L3MBTL4: variants seen among roughly 807,000 people sequenced by gnomAD.
L3MBTL4 encodes the protein lethal(3)malignant brain tumor-like protein 4.
In L3MBTL4, 70 loss-of-function variants were observed where a neutral mutation model predicts 84.5. The observed-to-expected ratio is 0.83, with a 90% CI of 0.68 to 1.01. The LOEUF is 1.01. Among genes scored for constraint, L3MBTL4 ranks in the 50% least tolerant of loss-of-function variants. The probability of loss-of-function intolerance (pLI) is 0.00; values close to 1 mark genes in which losing one functional copy is unlikely to be tolerated. For synonymous variants in L3MBTL4, 274 were observed against 259.8 expected (o/e 1.05, Z -0.52); for missense variants, 715 against 754.8 (o/e 0.95, Z 0.62).
chr18:6,276,039 C>T (rs1009040794), intron 4 of L3MBTL4, among the ~76,000 whole-genome samples: 43 of 152,330 alleles, frequency 2.8e-4, no homozygotes, highest in African/African-American at 1.0e-3. Flanking sequence ...AAAGTCATCC[C>T]TCTGCTCACT....
intron 1 of L3MBTL4, among the ~76,000 whole-genome samples, chr18:6,370,629 T>G (rs1343534679): frequency 6.6e-6 from 1 of 152,000 alleles, no homozygotes; most frequent in African/African-American, 2.4e-5. Flanking sequence ...CCAAAAGAGA[T>G]GAAGTCACCT....
At chr18:6,047,923 A>G (rs369249710) in intron 16 of L3MBTL4, among the ~76,000 whole-genome samples, 17 of 152,322 alleles carry the variant, frequency 1.1e-4, no homozygotes, top group South Asian at 8.3e-4. Context: ...GGCAAGAGAA[A>G]GAAATAAAAG....
chr18:6,405,754 CT>C (rs1450352273), intron 1 of L3MBTL4, among the ~76,000 whole-genome samples: 3 of 152,212 alleles, frequency 2.0e-5, no homozygotes, highest in Admixed American at 2.0e-4. Context: ...TGAGTGCCTC[CT>C]GCCAGCACCC....
intron 16 of L3MBTL4, among the ~76,000 whole-genome samples, chr18:5,987,755 C>T (rs1051668951): frequency 1.3e-5 from 2 of 151,744 alleles, no homozygotes; most frequent in Non-Finnish European, 2.9e-5. Flanking sequence ...AAAATTAAAC[C>T]AGTGTATGAT....
chr18:6,318,777 T>A, intron 1 of L3MBTL4, among the ~76,000 whole-genome samples: 1 of 151,824 alleles, frequency 6.6e-6, no homozygotes, highest in Non-Finnish European at 1.5e-5. Flanking sequence ...ATAGAACAAA[T>A]GAAGCTAACA....
rs1385674333 is a variant in L3MBTL4, at chr18:6,188,227, T to G, written c.982-16285A>C. On this transcript the variant is annotated intron_variant, in intron 12 of 18. Transcript: ENST00000317931. Reference sequence around the variant, plus strand: ...CCACACAGATCATGTAGGATGGTACTGACAATTAATTAGTTATATTTCCAA... The same window carrying G: ...CCACACAGATCATGTAGGATGGTACGGACAATTAATTAGTTATATTTCCAA... Among the ~76,000 whole-genome samples, 6 of 152,048 alleles carry G rather than the reference T, an allele frequency of 3.9e-5. No homozygotes were observed. In the East Asian group the frequency reaches 1.2e-3, roughly 29 times the overall value.
intron 1 of L3MBTL4, among the ~76,000 whole-genome samples, chr18:6,390,563 T>C (rs2055004027): frequency 6.6e-6 from 1 of 152,008 alleles, no homozygotes; most frequent in African/African-American, 2.4e-5. Context: ...ATAAACAAAA[T>C]TGATATACCA....
intron 1 of L3MBTL4, among the ~76,000 whole-genome samples, chr18:6,351,337 G>C (rs1312546537): frequency 6.6e-6 from 1 of 152,118 alleles, no homozygotes; most frequent in Non-Finnish European, 1.5e-5. Flanking sequence ...ACGGAAAGTA[G>C]AATGGTAGCT....
intron 13 of L3MBTL4, among the ~76,000 whole-genome samples, chr18:6,156,275 T>C (rs1233943137): frequency 6.6e-6 from 1 of 152,192 alleles, no homozygotes; most frequent in Non-Finnish European, 1.5e-5. Flanking sequence ...CTGGTGCCTT[T>C]ATCATCATGG....
intron 1 of L3MBTL4, among the ~76,000 whole-genome samples, chr18:6,369,176 G>A (rs1456593229): frequency 6.6e-6 from 1 of 152,134 alleles, no homozygotes; most frequent in African/African-American, 2.4e-5. Context: ...GGGGCAGTGT[G>A]TCCCCCACAT....
At chr18:6,210,749 C>T (rs1039652981) in intron 12 of L3MBTL4, among the ~76,000 whole-genome samples, 1 of 152,226 alleles carries the variant, frequency 6.6e-6, no homozygotes, top group Non-Finnish European at 1.5e-5. Context: ...ACAGTAACAT[C>T]TGTTCCTGTT....
chr18:6,186,066 G>A (rs1178621317), intron 12 of L3MBTL4, among the ~76,000 whole-genome samples: 3 of 151,278 alleles, frequency 2.0e-5, no homozygotes, highest in Non-Finnish European at 4.4e-5. Context: ...AGGCTGGAGT[G>A]CAGTGGTGCA....
chr18:6,133,966 A>C (rs1201830361), intron 14 of L3MBTL4, among the ~76,000 whole-genome samples: 1 of 152,190 alleles, frequency 6.6e-6, no homozygotes, highest in Non-Finnish European at 1.5e-5. Flanking sequence ...CACATTGTGC[A>C]TATGGCCTGT....
chr18:6,093,857 T>A (rs902790115), intron 14 of L3MBTL4, among the ~76,000 whole-genome samples: 11 of 152,246 alleles, frequency 7.2e-5, no homozygotes, highest in African/African-American at 2.7e-4. Context: ...CTTAACTCAG[T>A]TTGTATCCTC....
At chr18:6,109,966 A>G (rs937165190) in intron 14 of L3MBTL4, among the ~76,000 whole-genome samples, 2 of 152,154 alleles carry the variant, frequency 1.3e-5, no homozygotes, top group African/African-American at 4.8e-5. Flanking sequence ...GGACCAGGGC[A>G]GGCCGAGGTG....
At chr18:6,394,401 G>A (rs1456991310) in intron 1 of L3MBTL4, among the ~76,000 whole-genome samples, 3 of 152,148 alleles carry the variant, frequency 2.0e-5, no homozygotes, top group Non-Finnish European at 4.4e-5. Flanking sequence ...CCAGGAGGTG[G>A]AGGTTGCAGT....
intron 16 of L3MBTL4, among the ~76,000 whole-genome samples, chr18:6,035,724 G>C (rs1262148763): frequency 6.6e-6 from 1 of 152,038 alleles, no homozygotes; most frequent in Non-Finnish European, 1.5e-5. Flanking sequence ...CATTGAATCT[G>C]TAAATTACCT....
chr18:6,171,144 G>T (rs1161288044), intron 13 of L3MBTL4, among the ~76,000 whole-genome samples: 1 of 152,192 alleles, frequency 6.6e-6, no homozygotes, highest in Non-Finnish European at 1.5e-5. Flanking sequence ...TTCATGCTAA[G>T]AAACCAATGG....
intron 18 of L3MBTL4, among the ~76,000 whole-genome samples, chr18:5,957,793 G>A (rs1221262537): frequency 1.3e-5 from 2 of 148,654 alleles, no homozygotes; most frequent in East Asian, 3.9e-4. Flanking sequence ...CCCCGCCCCT[G>A]CTCCATCTCT....
Sources: allele counts gnomAD v4.1 joint callset (sites outside exome capture counted in the v4.1 genomes callset), GRCh38; gene constraint gnomAD v4.1.1; transcripts MANE v1.5; gene names NCBI Gene and HGNC (gene_info 2026-07-23, HGNC 2026-07-21).